The following PNN variants were observed in gnomAD, a reference collection of about 807,000 sequenced individuals.
The protein encoded by PNN is pinin, desmosome associated protein, also known as pinin.
A neutral mutation model predicts 76.6 loss-of-function variants in PNN; 38 were observed. The observed-to-expected ratio is 0.50, with a 90% CI of 0.38 to 0.65. PNN has a LOEUF of 0.65. Ranked by LOEUF, PNN falls within the 30% of genes least tolerant of loss-of-function variation. The pLI is 0.00. For missense variants in PNN, 873 were observed against 874.1 expected, an observed-to-expected ratio of 1.00 and a Z score of 0.02; for synonymous variants, 366 against 283.7, an observed-to-expected ratio of 1.29 and a Z score of -2.91.
In PNN at chr14:39,175,289, G is replaced by T. The variant is rs566470026; in HGVS notation, c.10G>T (p.Ala4Ser). 1.3e-6 allele frequency: 2 copies of T among 1,599,616 alleles called. No individual in the cohort carries two copies. Among genetic ancestry groups the T allele is most frequent in the South Asian group, 1.1e-5 (1 of 90,084 alleles). MAV[A>S]VRTLQEQLEK... ...CTGCCGCAGGGAGAAGATGGCGGTC[G>T]CCGTGAGAACTTTGCAGGAACAGCT... Residue 4 changes from alanine (A) to serine (S), a missense_variant, in exon 1 of 9, where the codon GCC (alanine) becomes TCC (serine). By Grantham distance (99) the Ala-to-Ser change is moderately conservative. Coordinates refer to ENST00000216832, the MANE Select transcript of PNN (RefSeq NM_002687.4).
In PNN at chr14:39,179,471, G is replaced by GCCTT; in HGVS notation, c.793+10_793+11insCTTC. 2 of 1,608,298 alleles carry GCCTT rather than the reference G, an allele frequency of 1.2e-6. No individual in the cohort carries two copies. The highest frequency in any genetic ancestry group is 1.7e-6 in the Non-Finnish European group (2 of 1,177,558). ...ACAGAGAAAAATGAACGGTAAGTAT[G>GCCTT]CGAAGAGGTCCATTGAATTGTTCAT... On this transcript the variant is annotated intron_variant, in intron 8 of 8. Transcript: ENST00000216832.
rs764275187 is a variant in PNN at position 39,181,403 on chromosome 14, G to A, written c.1694G>A (p.Arg565Gln). Residue 565 changes from arginine to glutamine, a missense_variant, in exon 9 of 9, where the codon CGA (arginine) becomes CAA (glutamine). By Grantham distance (43) the Arg-to-Gln change is conservative. Transcript: ENST00000216832. ...AAAACTAGGAGCAGAAGTAGAGGTC[G>A]AGCTAGAAATAAAACAAGCAAGAGT... ...KTKTRSRSRGRARNKTSKSRS... is the reference protein window; with the variant it reads ...KTKTRSRSRGQARNKTSKSRS... 9 of 1,614,094 alleles carry A rather than the reference G, an allele frequency of 5.6e-6. No individual in the cohort carries two copies. The highest frequency in any genetic ancestry group is 3.3e-5 in the South Asian group (3 of 91,084).
rs375477798 is a variant in PNN at position 39,181,701 on chromosome 14, C to G, written c.1992C>G (p.His664Gln). The G allele has an allele frequency of 6.2e-7, 1 of 1,614,000 alleles. No individual in the cohort carries two copies. Among genetic ancestry groups the G allele is most frequent in the African/African-American group, 1.3e-5 (1 of 74,988 alleles). ...ATACTTCAGGACTAGAAAGAAGTCACAAATCTTCAAAAGGTGGTAGTAGTA... is the reference window on the plus strand; with the variant it reads ...ATACTTCAGGACTAGAAAGAAGTCAGAAATCTTCAAAAGGTGGTAGTAGTA... ...RRDTSGLERS[H>Q]KSSKGGSSRD... Residue 664 changes from histidine (H) to glutamine (Q), a missense_variant, in exon 9 of 9, where the codon CAC becomes CAG. Coordinates refer to ENST00000216832, the MANE Select transcript of PNN (RefSeq NM_002687.4).
chr14:39,177,741 T>C, intron 5 of PNN, 54 bp downstream of exon 5: 3 of 1,481,450 alleles, frequency 2.0e-6, no homozygotes, highest in Non-Finnish European at 2.8e-6. Flanking sequence ...ATAAGGAAAA[T>C]CAAGGGATTG....
At chr14:39,176,041 A>T in intron 1 of PNN, 37 bp from the exon 2 acceptor site, 1 of 1,142,706 alleles carries the variant, frequency 8.8e-7, no homozygotes, top group Non-Finnish European at 1.3e-6. Context: ...GTGTGTGTCT[A>T]CATATGATTT....
At chr14:39,178,610 T>C (rs1450407295) in intron 6 of PNN, among the ~76,000 whole-genome samples, 1 of 150,892 alleles carries the variant, frequency 6.6e-6, no homozygotes, top group African/African-American at 2.4e-5. Context: ...TGGGGTTTTA[T>C]CATGTTGCCC....
rs2053268256 is a variant in PNN, at chr14:39,181,346, T to G, written c.1637T>G (p.Leu546Trp). ...ACTGAGGTACCAGTAGAGCCAGTCT[T>G]GACAGTACATCCAGAGAGCAAGAGC... ...KLTEVPVEPV[L>W]TVHPESKSKT... Residue 546 changes from leucine to tryptophan, a missense_variant, in exon 9 of 9, where the codon TTG becomes TGG. Transcript: ENST00000216832. 3 of 1,614,192 alleles carry G rather than the reference T, an allele frequency of 1.9e-6. No individual in the cohort carries two copies. Among genetic ancestry groups the G allele is most frequent in the Non-Finnish European group, 2.5e-6 (3 of 1,180,030 alleles).
Position 39,180,572 on chromosome 14 carries a change from A to C in PNN, c.863A>C (p.Gln288Pro). 6.2e-7 allele frequency: 1 copy of C among 1,614,070 alleles called. No individual in the cohort carries two copies. Among genetic ancestry groups the C allele is most frequent in the Non-Finnish European group, 8.5e-7 (1 of 1,180,008 alleles). ...AAAATGGAGGCTAGGCCTAGAAGAC[A>C]ATCAATGAAGGAAAAAGAGCATCAG... ...INKMEARPRRQSMKEKEHQVV... is the reference protein window; with the variant it reads ...INKMEARPRRPSMKEKEHQVV... The change falls in exon 9 of 9, where the codon CAA becomes CCA. Residue 288 changes from glutamine to proline, a missense_variant. By Grantham distance (76) the Gln-to-Pro change is moderately conservative (BLOSUM62 -1). Transcript: ENST00000216832.
rs369299197 is a variant in PNN, at chr14:39,179,269, A to G, written c.654+23A>G. The G allele has an allele frequency of 9.9e-6, 16 of 1,609,574 alleles. No homozygotes were observed. The African/African-American group carries it at 1.3e-4, about 13-fold the overall frequency. On this transcript the variant is annotated intron_variant, in intron 7 of 8. Transcript: ENST00000216832. ...CTGGTGAGTGGTAATTTGGAATTCT[A>G]AGATTGGTAATCCTTTGTGTTTACA...
In PNN at chr14:39,181,417, ACAAG is replaced by A; in HGVS notation, c.1713_1716del (p.Ser571ArgfsTer89). ...AAGTAGAGGTCGAGCTAGAAATAAAACAAGCAAGAGTAGAAGTCGAAGCAGTAGC... is the reference window on the plus strand; with the variant it reads ...AAGTAGAGGTCGAGCTAGAAATAAAACAAGAGTAGAAGTCGAAGCAGTAGC... On this transcript the variant is annotated frameshift_variant, in exon 9 of 9. Coordinates refer to ENST00000216832, the MANE Select transcript of PNN (RefSeq NM_002687.4). LOFTEE classifies it high-confidence loss of function. 3 of 1,614,228 alleles carry A rather than the reference ACAAG, an allele frequency of 1.9e-6. No individual in the cohort carries two copies. The highest frequency in any genetic ancestry group is 2.5e-6 in the Non-Finnish European group (3 of 1,180,030).
chr14:39,178,497 C>T (rs2053245915), intron 6 of PNN, among the ~76,000 whole-genome samples: 1 of 152,090 alleles, frequency 6.6e-6, no homozygotes, highest in Non-Finnish European at 1.5e-5. Context: ...CACTATTGTA[C>T]CCCAGCCTGG....
chr14:39,182,806 G>A lies in PNN; in HGVS notation c.*943G>A, dbSNP rs569537319. On this transcript the variant is annotated 3_prime_UTR_variant, in exon 9 of 9. Coordinates refer to ENST00000216832, the MANE Select transcript of PNN (RefSeq NM_002687.4). Reference sequence around the variant, plus strand: ...CACAAAATGAAGGAAGTTCATCTAGGTTTTAATATGTAAGCAAGATAACAC... The same window carrying A: ...CACAAAATGAAGGAAGTTCATCTAGATTTTAATATGTAAGCAAGATAACAC... The A allele has an allele frequency of 4.0e-4, 61 of 152,742 alleles. No homozygotes were observed. Among genetic ancestry groups the A allele is most frequent in the African/African-American group, 1.4e-3 (59 of 41,566 alleles). 9.5% of individuals were successfully genotyped at this position (152,742 alleles called of 1,614,324 possible).
In PNN at chr14:39,180,942, T is replaced by C. The variant is rs747095454; in HGVS notation, c.1233T>C (p.Val411=). The C allele has an allele frequency of 1.1e-5, 18 of 1,613,978 alleles. No homozygotes were observed. The Admixed American group carries it at 3.0e-4, about 27-fold the overall frequency. ...AGGAGGTAATGGAAACTAATCGAGT[T>C]GAAAGTGTAGAACCTTCAGAAAATG... The part of the protein sequence containing the change: ...ADQEVMETNR[V]ESVEPSENEA... The change falls in exon 9 of 9, where the codon GTT becomes GTC. Residue 411 remains valine (V), a synonymous_variant. Coordinates refer to ENST00000216832, the MANE Select transcript of PNN (RefSeq NM_002687.4).
Position 39,179,139 on chromosome 14 carries a change from G to T in PNN, c.547G>T (p.Glu183Ter), listed in dbSNP as rs769478902. The change falls in exon 7 of 9, where the codon GAA becomes TAA. Residue 183 changes from glutamate (E) to a stop codon, truncating the protein, a stop_gained. Transcript: ENST00000216832. LOFTEE classifies it high-confidence loss of function. ...IEQKLEVQAEEERKQVENERR... is the reference protein window; with the variant it reads ...IEQKLEVQAE ...ACAAAAACTTGAAGTTCAGGCAGAA[G>T]AAGAGAGAAAGCAGGTTGAAAATGA... The T allele has an allele frequency of 6.2e-7, 1 of 1,614,060 alleles. No individual in the cohort carries two copies. The highest frequency in any genetic ancestry group is 8.5e-7 in the Non-Finnish European group (1 of 1,180,016).
At position 39,179,450 on chromosome 14, in the gene PNN, A is replaced by C. The variant is rs1441019207; in HGVS notation, c.781A>C (p.Arg261=). The C allele has an allele frequency of 6.2e-7, 1 of 1,612,016 alleles. No individual in the cohort carries two copies. The highest frequency in any genetic ancestry group is 1.3e-5 in the African/African-American group (1 of 74,746). The change falls in exon 8 of 9, where the codon AGA becomes CGA. Residue 261 remains arginine, a synonymous_variant. Transcript: ENST00000216832. Reference sequence around the variant, plus strand: ...CCAAAAACTAATAGAAGAGTCACAGAGAAAAATGAACGGTAAGTATGCGAA... The same window carrying C: ...CCAAAAACTAATAGAAGAGTCACAGCGAAAAATGAACGGTAAGTATGCGAA... ...ATQKLIEESQ[R]KMNALFEGRR...
chr14:39,181,136 C>T lies in PNN; in HGVS notation c.1427C>T (p.Pro476Leu), dbSNP rs764879974. The change falls in exon 9 of 9, where the codon CCT becomes CTT. Residue 476 changes from proline (P) to leucine (L), a missense_variant. By Grantham distance (98) the Pro-to-Leu change is moderately conservative. Transcript: ENST00000216832. ...SEPQPEPVAQ[P>L]QPQSQPQLQL... ...CCCCAACCTGAGCCTGTGGCTCAACCTCAGCCTCAGTCTCAGCCCCAGCTT... is the reference window on the plus strand; with the variant it reads ...CCCCAACCTGAGCCTGTGGCTCAACTTCAGCCTCAGTCTCAGCCCCAGCTT... The T allele has an allele frequency of 1.9e-5, 30 of 1,604,406 alleles. No individual in the cohort carries two copies. In the East Asian group the frequency reaches 5.6e-4, roughly 30 times the overall value.
Position 39,179,100 on chromosome 14 carries a change from C to T in PNN, c.508C>T (p.Arg170Cys). Reference sequence around the variant, plus strand: ...GCTACTTAACTTTTAGCAAAAGCGGCGCCAGGAAATTGAACAAAAACTTGA... The same window carrying T: ...GCTACTTAACTTTTAGCAAAAGCGGTGCCAGGAAATTGAACAAAAACTTGA... ...STVATERQKR[R>C]QEIEQKLEVQ... Residue 170 changes from arginine to cysteine, a missense_variant, in exon 7 of 9, where the codon CGC becomes TGC. Transcript: ENST00000216832. 2 of 1,609,434 alleles carry T rather than the reference C, an allele frequency of 1.2e-6. No homozygotes were observed. Among genetic ancestry groups the T allele is most frequent in the African/African-American group, 1.3e-5 (1 of 74,498 alleles).
rs377474305 is a variant in PNN at position 39,177,428 on chromosome 14, C to G, written c.271C>G (p.Arg91Gly). The change falls in exon 4 of 9, where the codon CGG becomes GGG. Residue 91 changes from arginine (R) to glycine (G), a missense_variant. Physicochemically the swap from Arg to Gly is moderately radical, Grantham distance 125 (BLOSUM62 -2). Around this residue, in one of 3 missense-constraint regions of PNN, gnomAD observed 156 missense variants for 161.7 expected, o/e 0.96. Coordinates refer to ENST00000216832, the MANE Select transcript of PNN (RefSeq NM_002687.4). ...GAVSRLGGER[R>G]TRRESRQESD... ...CTATGACAGGCTGGGCGGGGAGCGT[C>G]GGACCAGAAGAGAATCACGCCAGGA... 1 of 1,613,830 alleles carries G rather than the reference C, an allele frequency of 6.2e-7. No individual in the cohort carries two copies. The highest frequency in any genetic ancestry group is 8.5e-7 in the Non-Finnish European group (1 of 1,179,872).
Position 39,180,583 on chromosome 14 carries a change from G to A in PNN, c.874G>A (p.Glu292Lys). Residue 292 changes from glutamate (E) to lysine (K), a missense_variant, in exon 9 of 9, where the codon GAA becomes AAA. Physicochemically the swap from Glu to Lys is moderately conservative, Grantham distance 56 (BLOSUM62 1). Transcript: ENST00000216832. ...EARPRRQSMKEKEHQVVRNEE... is the reference protein window; with the variant it reads ...EARPRRQSMKKKEHQVVRNEE... Reference sequence around the variant, plus strand: ...TAGGCCTAGAAGACAATCAATGAAGGAAAAAGAGCATCAGGTGGTGCGTAA... The same window carrying A: ...TAGGCCTAGAAGACAATCAATGAAGAAAAAAGAGCATCAGGTGGTGCGTAA... The A allele has an allele frequency of 1.9e-6, 3 of 1,613,996 alleles. No individual in the cohort carries two copies. The highest frequency in any genetic ancestry group is 2.5e-6 in the Non-Finnish European group (3 of 1,179,992).
Sources: allele counts gnomAD v4.1 joint callset (sites outside exome capture counted in the v4.1 genomes callset), GRCh38; gene constraint gnomAD v4.1.1; regional missense constraint gnomAD v4.1.1; transcripts MANE v1.5; gene names NCBI Gene and HGNC (gene_info 2026-07-23, HGNC 2026-07-21).